Variants in KDM2B observed in about 807,000 individuals in gnomAD.
KDM2B encodes lysine-specific demethylase 2B.
A neutral mutation model predicts 150.0 loss-of-function variants in KDM2B; 26 were observed. The ratio of observed to expected loss-of-function variants is 0.17; its 90% CI spans 0.13 to 0.24. KDM2B has a LOEUF of 0.24. Ranked by LOEUF, KDM2B falls within the 10% of genes least tolerant of loss-of-function variation. KDM2B has a pLI of 1.00. For missense variants in KDM2B, 1,265 were observed against 1,816.9 expected, an observed-to-expected ratio of 0.70 and a Z score of 5.52; for synonymous variants, 734 against 729.5, an observed-to-expected ratio of 1.01 and a Z score of -0.10.
At chr12:121,440,144 ACT>A (rs1874730466) in intron 21 of KDM2B, 69 bp from the exon 22 acceptor site, 2 of 1,189,540 alleles carry the variant, frequency 1.7e-6, no homozygotes, top group African/African-American at 3.0e-5. Flanking sequence ...CTGACATGAC[ACT>A]CTAAAAGGCC....
At chr12:121,526,860 C>G (rs1175684848) in intron 8 of KDM2B, among the ~76,000 whole-genome samples, 1 of 152,002 alleles carries the variant, frequency 6.6e-6, no homozygotes, top group East Asian at 2.0e-4. Context: ...GGTAAAACCA[C>G]GTCTCTACTA....
chr12:121,412,900 A>G, the KDM2B span, among the ~76,000 whole-genome samples: 2 of 151,186 alleles, frequency 1.3e-5, no homozygotes, highest in East Asian at 3.9e-4. Flanking sequence ...TATTTTTAGT[A>G]GAGACGGGGT....
Position 121,549,307 on chromosome 12 carries a change from C to G in KDM2B, c.576+153G>C. Reference sequence around the variant, plus strand: ...TAGCAAGATCCCTGTCTCTACAAACCACGTTACCAACCTTAGTCACCCCTA... The same window carrying G: ...TAGCAAGATCCCTGTCTCTACAAACGACGTTACCAACCTTAGTCACCCCTA... On this transcript the variant is annotated intron_variant, in intron 5 of 22. Transcript: ENST00000377071. The surrounding 1 kb of genome is among the most constrained non-coding windows in gnomAD (Gnocchi z 4.4). 1.5e-6 allele frequency: 1 copy of G among 666,612 alleles called. No homozygotes were observed. The highest frequency in any genetic ancestry group is 2.2e-5 in the South Asian group (1 of 45,726). The allele number at this position is 666,612 out of a possible 1,614,324, so 41.3% of individuals were successfully genotyped here.
intron 6 of KDM2B, among the ~76,000 whole-genome samples, chr12:121,548,005 G>C (rs1889203270): frequency 6.6e-6 from 1 of 152,118 alleles, no homozygotes; most frequent in Non-Finnish European, 1.5e-5. Flanking sequence ...CCTCCCAAAA[G>C]TTCTGTTACT....
intron 11 of KDM2B, among the ~76,000 whole-genome samples, chr12:121,504,535 CA>C (rs1227747589): frequency 1.5e-3 from 230 of 149,268 alleles, no homozygotes; most frequent in African/African-American, 5.3e-3. Flanking sequence ...ACCCCCATCT[CA>C]AAAAAAAACC....
At chr12:121,539,979 A>G (rs1259166075) in intron 6 of KDM2B, among the ~76,000 whole-genome samples, 4 of 152,164 alleles carry the variant, frequency 2.6e-5, no homozygotes, top group Admixed American at 6.5e-5. Context: ...GCCTCAAGCA[A>G]TCCACCCACC....
intron 12 of KDM2B, among the ~76,000 whole-genome samples, chr12:121,471,680 T>A (rs1555295931): frequency 6.6e-6 from 1 of 152,202 alleles, no homozygotes; most frequent in African/African-American, 2.4e-5. Context: ...CTCTCCAGCG[T>A]GAAACCCCTT....
chr12:121,472,534 T>TA, intron 12 of KDM2B, among the ~76,000 whole-genome samples: 1 of 152,346 alleles, frequency 6.6e-6, no homozygotes. Context: ...AGACTCTAAA[T>TA]AGACTAAGCT....
intron 4 of KDM2B, among the ~76,000 whole-genome samples, chr12:121,565,297 C>A (rs1890619557): frequency 6.6e-6 from 1 of 151,696 alleles, no homozygotes; most frequent in African/African-American, 2.4e-5. Flanking sequence ...AACAAGATTT[C>A]ATTGCCAATG....
chr12:121,511,657 T>C (rs1555304069), intron 10 of KDM2B, among the ~76,000 whole-genome samples: 3 of 152,204 alleles, frequency 2.0e-5, no homozygotes, highest in Non-Finnish European at 2.9e-5. Context: ...AAATGTGAAA[T>C]TGACTGCAGC....
chr12:121,445,423 G>C lies in KDM2B; in HGVS notation c.1960-5C>G. On this transcript the variant is annotated splice_region_variant and splice_polypyrimidine_tract_variant and intron_variant, in intron 13 of 22. Transcript: ENST00000377071. ...GGCGGTGTGGGGCAGCACTGGCTGA[G>C]GAGCCAGGGAGAACAAGACAAGTCA... 6.3e-7 allele frequency: 1 copy of C among 1,586,534 alleles called. No homozygotes were observed. Among genetic ancestry groups the C allele is most frequent in the Non-Finnish European group, 8.6e-7 (1 of 1,164,824 alleles).
At chr12:121,505,174 T>C in intron 11 of KDM2B, among the ~76,000 whole-genome samples, 1 of 145,790 alleles carries the variant, frequency 6.9e-6, no homozygotes, top group Non-Finnish European at 1.5e-5. Flanking sequence ...TAATTCCAGC[T>C]ACTCGGGAGG....
rs782046217 is a variant in KDM2B at position 121,442,582 on chromosome 12, C to A, written c.2859G>T (p.Glu953Asp). 9 of 1,601,292 alleles carry A rather than the reference C, an allele frequency of 5.6e-6. No homozygotes were observed. The Admixed American group carries it at 1.0e-4, about 18-fold the overall frequency. Reference protein sequence around the residue: ...NKELSRELSKELNHEIQRTEN... With the variant: ...NKELSRELSKDLNHEIQRTEN... ...CCGTCCTCTGGATCTCGTGGTTGAG[C>A]TCCTTGCTCAGCTCCCTGCTCAGCT... The change falls in exon 19 of 23, where the codon GAG becomes GAT. Residue 953 changes from glutamate to aspartate, a missense_variant. Glu to Asp is a conservative substitution (Grantham distance 45). Around this residue, in one of 11 missense-constraint regions of KDM2B, gnomAD observed 418 missense variants for 402.4 expected, o/e 1.04. Transcript: ENST00000377071. This position sits in a 1 kb window ranked among gnomAD's most constrained non-coding sequence, Gnocchi z 7.7.
In KDM2B at chr12:121,533,059, G is replaced by C. The variant is rs1451213116; in HGVS notation, c.778-100C>G. 1.7e-6 allele frequency: 2 copies of C among 1,207,498 alleles called. No homozygotes were observed. The highest frequency in any genetic ancestry group is 3.0e-5 in the African/African-American group (2 of 67,100). 74.8% of individuals were successfully genotyped at this position (1,207,498 alleles called of 1,614,324 possible). On this transcript the variant is annotated intron_variant, in intron 7 of 22. Transcript: ENST00000377071. The surrounding 1 kb of genome is among the most constrained non-coding windows in gnomAD (Gnocchi z 4.1). ...GGCGGAAGGGGAGGGGGCGAGACAA[G>C]CTGTGTGTGGGGTGGGGGGTGTGGA... is the stretch of plus-strand genomic sequence containing the variant.
chr12:121,462,197 T>C (rs3817543), intron 12 of KDM2B, among the ~76,000 whole-genome samples: 53,518 of 152,076 alleles, frequency 0.35, 10,163 homozygotes, highest in East Asian at 0.43. Context: ...GTATTATTCC[T>C]GTCCTCAAAT....
At chr12:121,534,711 C>A (rs1555308445) in intron 6 of KDM2B, 121 bp from the exon 7 acceptor site, 1 of 689,320 alleles carries the variant, frequency 1.5e-6, no homozygotes, top group East Asian at 2.8e-5. Flanking sequence ...GGGGAATTTT[C>A]TTTTTTTCTT....
At chr12:121,421,847 C>A in the KDM2B span, among the ~76,000 whole-genome samples, 1 of 152,162 alleles carries the variant, frequency 6.6e-6, no homozygotes, top group Admixed American at 6.5e-5. Flanking sequence ...AACAGCCCTC[C>A]CATCATTAAC....
At chr12:121,461,570 A>C (rs1234126839) in intron 12 of KDM2B, among the ~76,000 whole-genome samples, 1 of 152,180 alleles carries the variant, frequency 6.6e-6, no homozygotes, top group Non-Finnish European at 1.5e-5. Flanking sequence ...TGATTGGCTG[A>C]ACATGGGGTA....
chr12:121,510,425 A>G (rs1885484798), intron 10 of KDM2B, among the ~76,000 whole-genome samples: 1 of 151,680 alleles, frequency 6.6e-6, no homozygotes, highest in East Asian at 1.9e-4. Context: ...TTTTTTTTTT[A>G]AGCTTTTTTT....
Sources: allele counts gnomAD v4.1 joint callset (sites outside exome capture counted in the v4.1 genomes callset), GRCh38; gene constraint gnomAD v4.1.1; regional missense constraint gnomAD v4.1.1; non-coding constraint Gnocchi (gnomAD v3.1); transcripts MANE v1.5; gene names NCBI Gene and HGNC (gene_info 2026-07-23, HGNC 2026-07-21).